The following AGBL1 variants were observed in gnomAD, a reference collection of about 807,000 sequenced individuals.
AGBL1 encodes AGBL carboxypeptidase 1.
In AGBL1, 130 loss-of-function variants were observed where a neutral mutation model predicts 118.9. The ratio of observed to expected loss-of-function variants is 1.09; its 90% CI spans 0.95 to 1.26. The LOEUF is 1.26. Ranked by LOEUF, AGBL1 falls within the 50% of genes most tolerant of loss-of-function variation. The pLI is 0.00. For synonymous variants in AGBL1, 555 were observed against 478.9 expected, an observed-to-expected ratio of 1.16 and a Z score of -2.08; for missense variants, 1,584 against 1,298.1, an observed-to-expected ratio of 1.22 and a Z score of -3.38.
At chr15:86,922,326 T>C (rs1412321331) in intron 23 of AGBL1, among the ~76,000 whole-genome samples, 1 of 152,236 alleles carries the variant, frequency 6.6e-6, no homozygotes, top group Non-Finnish European at 1.5e-5. Flanking sequence ...AGTCTCGCTC[T>C]GTCACCCAGG....
intron 24 of AGBL1, among the ~76,000 whole-genome samples, chr15:86,989,643 G>C (rs1324386579): frequency 6.6e-6 from 1 of 152,130 alleles, no homozygotes; most frequent in East Asian, 1.9e-4. Flanking sequence ...AGGAAGAATG[G>C]TGATAAAGAT....
At chr15:86,410,456 A>G (rs1042021375) in intron 18 of AGBL1, among the ~76,000 whole-genome samples, 1 of 152,104 alleles carries the variant, frequency 6.6e-6, no homozygotes, top group Non-Finnish European at 1.5e-5. Context: ...GCTTCTTTAT[A>G]GCTGTGTGGC....
At chr15:86,773,867 A>G (rs1376474177) in intron 22 of AGBL1, among the ~76,000 whole-genome samples, 2 of 152,202 alleles carry the variant, frequency 1.3e-5, no homozygotes, top group East Asian at 1.9e-4. Context: ...AGAATGAAAT[A>G]TACCAGCTCC....
intron 22 of AGBL1, among the ~76,000 whole-genome samples, chr15:86,808,554 T>C (rs568763617): frequency 2.0e-5 from 3 of 152,120 alleles, no homozygotes; most frequent in Admixed American, 6.5e-5. Context: ...CTCTCCTCTT[T>C]ATCTTTCCTT....
intron 18 of AGBL1, among the ~76,000 whole-genome samples, chr15:86,476,580 G>A (rs977243460): frequency 6.6e-6 from 1 of 152,124 alleles, no homozygotes; most frequent in Non-Finnish European, 1.5e-5. Context: ...GATTCATAAA[G>A]CAAGTCCTTA....
At chr15:86,635,297 C>T (rs112928883) in intron 21 of AGBL1, among the ~76,000 whole-genome samples, 1 of 12,180 alleles carries the variant, frequency 8.2e-5, no homozygotes, top group Admixed American at 8.3e-4. Flanking sequence ...CCCCCTCCCC[C>T]TCCCCTCCTC....
At chr15:86,787,779 T>C (rs2141322964) in intron 22 of AGBL1, among the ~76,000 whole-genome samples, 1 of 152,320 alleles carries the variant, frequency 6.6e-6, no homozygotes, top group Middle Eastern at 3.4e-3. Flanking sequence ...ATATGGATAA[T>C]TTGCATTTTT....
chr15:86,731,776 A>G (rs559656226), intron 22 of AGBL1, among the ~76,000 whole-genome samples: 1 of 152,332 alleles, frequency 6.6e-6, no homozygotes, highest in Admixed American at 6.5e-5. Context: ...AGATGTCTTG[A>G]AGTAAAGCTT....
Position 86,095,510 on chromosome 15 carries a change from G to A in AGBL1, c.51+15487G>A, listed in dbSNP as rs146144139. Among the ~76,000 whole-genome samples the A allele has an allele frequency of 2.3e-3, 355 of 152,074 alleles. 5 individuals carry two copies. The highest frequency in any genetic ancestry group is 8.1e-3 in the African/African-American group (337 of 41,482). ...TTAGAAGCTCTGTGTCAGGGACCAG[G>A]GACTAAGACCAAATATTATAACAAA... is the stretch of plus-strand genomic sequence containing the variant. On this transcript the variant is annotated intron_variant, in intron 1 of 22. Transcript: ENST00000614907.
At chr15:86,350,241 A>C (rs879486040) in intron 17 of AGBL1, among the ~76,000 whole-genome samples, 3 of 152,212 alleles carry the variant, frequency 2.0e-5, no homozygotes, top group Non-Finnish European at 4.4e-5. Context: ...TGCTATTCTC[A>C]ATTTGGAAAT....
intron 17 of AGBL1, among the ~76,000 whole-genome samples, chr15:86,375,754 CTGCTTCTG>C (rs2081034437): frequency 6.6e-6 from 1 of 152,200 alleles, no homozygotes. Context: ...TGCACTGCTG[CTGCTTCTG>C]TGTTCAGTTA....
chr15:86,716,605 G>A (rs986386799), intron 22 of AGBL1, among the ~76,000 whole-genome samples: 7 of 152,102 alleles, frequency 4.6e-5, no homozygotes, highest in African/African-American at 1.4e-4. Context: ...AAAAGCTCAC[G>A]GCTATCTCCA....
intron 21 of AGBL1, among the ~76,000 whole-genome samples, chr15:86,620,851 G>A (rs750844517): frequency 7.3e-5 from 11 of 151,122 alleles, no homozygotes; most frequent in East Asian, 3.9e-4. Context: ...GTCTAAATCC[G>A]ACTTGCCGCC....
chr15:86,625,363 G>A (rs2084867250), intron 21 of AGBL1, among the ~76,000 whole-genome samples: 1 of 49,670 alleles, frequency 2.0e-5, no homozygotes, highest in Non-Finnish European at 4.3e-5. Flanking sequence ...GAAGAAATTA[G>A]CGTTTTTTTT....
chr15:86,525,869 G>C (rs1330135797), intron 19 of AGBL1, among the ~76,000 whole-genome samples: 1 of 151,890 alleles, frequency 6.6e-6, no homozygotes, highest in East Asian at 1.9e-4. Flanking sequence ...TAAATAAATG[G>C]GACCTAATTA....
At chr15:86,102,704 T>C (rs950508436) in intron 1 of AGBL1, among the ~76,000 whole-genome samples, 3 of 152,156 alleles carry the variant, frequency 2.0e-5, no homozygotes, top group Non-Finnish European at 4.4e-5. Flanking sequence ...TCTCTTGAGG[T>C]TTTTAGAATT....
chr15:87,031,028 T>C (rs2141818629), downstream of AGBL1, among the ~76,000 whole-genome samples: 1 of 152,118 alleles, frequency 6.6e-6, no homozygotes, highest in East Asian at 1.9e-4. Context: ...ATATTTGCTG[T>C]TATTTAAAAA....
chr15:87,011,520 A>G (rs2081559872), intron 24 of AGBL1, among the ~76,000 whole-genome samples: 1 of 152,226 alleles, frequency 6.6e-6, no homozygotes, highest in Admixed American at 6.5e-5. Flanking sequence ...TATGTCACCA[A>G]AATATTCCCC....
intron 14 of AGBL1, 45 bp from the exon 15 acceptor site, chr15:86,271,574 A>G: frequency 6.9e-7 from 1 of 1,456,606 alleles, no homozygotes; most frequent in Non-Finnish European, 9.6e-7. Context: ...GGCCCAGAAC[A>G]ACTCTCTTTC....
Sources: gnomAD v4.1 joint callset for allele counts (sites outside exome capture counted in the v4.1 genomes callset) on GRCh38, gnomAD v4.1.1 for gene constraint, MANE v1.5 for transcripts, NCBI Gene and HGNC (gene_info 2026-07-23, HGNC 2026-07-21) for gene names.